The following TRA2B variants were observed in gnomAD, a reference collection of about 807,000 sequenced individuals.
TRA2B encodes transformer-2 protein homolog beta.
In TRA2B, 14 loss-of-function variants were observed where a neutral mutation model predicts 41.7. The ratio of observed to expected loss-of-function variants is 0.34; its 90% CI spans 0.22 to 0.53. The LOEUF (loss-of-function observed/expected upper bound fraction) is 0.53. Ranked by LOEUF, TRA2B falls within the 20% of genes least tolerant of loss-of-function variation. The probability of loss-of-function intolerance (pLI) is 0.95; values close to 1 mark genes in which losing one functional copy is unlikely to be tolerated. For synonymous variants in TRA2B, 130 were observed against 128.8 expected (o/e 1.01, Z -0.06); for missense variants, 167 against 396.8 (o/e 0.42, Z 4.92).
At chr3:185,926,204 A>G (rs539322744) in intron 2 of TRA2B, among the ~76,000 whole-genome samples, 3 of 151,420 alleles carry the variant, frequency 2.0e-5, no homozygotes, top group African/African-American at 7.3e-5. Context: ...AAAAAAAAAA[A>G]AGCGCACCAT....
chr3:185,919,327 C>G, intron 7 of TRA2B, 110 bp downstream of exon 7: 2 of 749,178 alleles, frequency 2.7e-6, no homozygotes, highest in South Asian at 2.4e-5. Flanking sequence ...GAGCTTCAAA[C>G]AGTCTGATTT....
chr3:185,930,971 A>G (rs1457159689), intron 1 of TRA2B, among the ~76,000 whole-genome samples: 1 of 152,216 alleles, frequency 6.6e-6, no homozygotes, highest in Non-Finnish European at 1.5e-5. Flanking sequence ...AAACAGAAAC[A>G]GAATTTGAAA....
intron 1 of TRA2B, chr3:185,935,835 T>C (rs868489855): frequency 1.8e-5 from 18 of 985,244 alleles, no homozygotes; most frequent in South Asian, 9.4e-5. Flanking sequence ...CACAACAATA[T>C]GGAAGTATTT....
chr3:185,929,181 A>G (rs1744059992), intron 1 of TRA2B: 1 of 152,174 alleles, frequency 6.6e-6, no homozygotes, highest in African/African-American at 2.4e-5. Context: ...TATCAGGGAT[A>G]TTTTCTTAAA....
At chr3:185,921,799 C>G (rs1378109324) in intron 5 of TRA2B, among the ~76,000 whole-genome samples, 4 of 152,016 alleles carry the variant, frequency 2.6e-5, no homozygotes, top group Admixed American at 6.6e-5. Context: ...CAACAACAAA[C>G]AAAAAATTTA....
rs781778452 is a variant in TRA2B, at chr3:185,917,704, G to C, written c.*11C>G. On this transcript the variant is annotated 3_prime_UTR_variant, in exon 9 of 9. Coordinates refer to ENST00000453386, the MANE Select transcript of TRA2B (RefSeq NM_004593.3). The stretch of plus-strand genomic sequence containing the variant: ...CCAGCTCTAGGGCAGGTTTCAGAAA[G>C]TCTTCATGCTTTAATAGCGACCTGG... 1 of 1,613,178 alleles carries C rather than the reference G, an allele frequency of 6.2e-7. No individual in the cohort carries two copies. Among genetic ancestry groups the C allele is most frequent in the Admixed American group, 1.7e-5 (1 of 59,892 alleles).
intron 1 of TRA2B, chr3:185,935,911 A>T: frequency 1.0e-6 from 1 of 985,438 alleles, no homozygotes; most frequent in Non-Finnish European, 1.2e-6. Flanking sequence ...AAAAAACTCA[A>T]TTTTTAACAC....
intron 8 of TRA2B, 110 bp downstream of exon 8, chr3:185,918,255 A>G (rs1271385846): frequency 1.8e-5 from 13 of 737,000 alleles, no homozygotes; most frequent in Non-Finnish European, 2.4e-5. Context: ...GTGGAGAATC[A>G]TTAGGTATGA....
intron 8 of TRA2B, among the ~76,000 whole-genome samples, chr3:185,918,012 T>C (rs1743568532): frequency 6.6e-6 from 1 of 152,192 alleles, no homozygotes; most frequent in Non-Finnish European, 1.5e-5. Context: ...CTTGAAAAGC[T>C]ACTAAATGGT....
rs2150109810 is a variant in TRA2B at position 185,915,559 on chromosome 3, GTCTA to G, written c.*2152_*2155del. On this transcript the variant is annotated 3_prime_UTR_variant, in exon 9 of 9. Transcript: ENST00000453386. ...TACCACTTTGTCTCACTACTTCTCAGTCTATCTCAACTTGGTAAAATTCCAAATT... is the reference window on the plus strand; with the variant it reads ...TACCACTTTGTCTCACTACTTCTCAGTCTCAACTTGGTAAAATTCCAAATT... 6.6e-6 allele frequency among the ~76,000 whole-genome samples: 1 copy of G among 152,242 alleles called. No individual in the cohort carries two copies. Among genetic ancestry groups the G allele is most frequent in the South Asian group, 2.1e-4 (1 of 4,824 alleles).
chr3:185,935,518 G>A lies in TRA2B; in HGVS notation c.36+2307C>T, dbSNP rs1487404619. On this transcript the variant is annotated intron_variant, in intron 1 of 8. Coordinates refer to ENST00000453386, the MANE Select transcript of TRA2B (RefSeq NM_004593.3). ...CAACAACAAACTCCTACAGTCACTG[G>A]AAAAGGTGGGGCACAGAGGGGTGGG... 4 of 985,298 alleles carry A rather than the reference G, an allele frequency of 4.1e-6. No individual in the cohort carries two copies. In the African/African-American group the frequency reaches 5.2e-5, roughly 13 times the overall value. 61.0% of individuals were successfully genotyped at this position (985,298 alleles called of 1,614,324 possible).
At chr3:185,934,794 GT>G (rs1744285011) in intron 1 of TRA2B, 6 of 985,430 alleles carry the variant, frequency 6.1e-6, no homozygotes, top group Non-Finnish European at 7.2e-6. Context: ...AGTTTGATGG[GT>G]TGGTGTCCAG....
intron 2 of TRA2B, among the ~76,000 whole-genome samples, chr3:185,926,307 AAATCCTCACAAC>A (rs982371661): frequency 3.3e-5 from 5 of 151,514 alleles, no homozygotes; most frequent in African/African-American, 1.2e-4. Flanking sequence ...TACATTTAGT[AAATCCTCACAAC>A]AACCCTGAAG....
chr3:185,937,280 T>A, intron 1 of TRA2B: 2 of 986,526 alleles, frequency 2.0e-6, no homozygotes, highest in South Asian at 9.2e-5. Context: ...GTCCTTTCCG[T>A]GGAGGCAAAG....
chr3:185,921,886 G>A, intron 5 of TRA2B, 125 bp downstream of exon 5: 2 of 604,078 alleles, frequency 3.3e-6, no homozygotes, highest in Non-Finnish European at 5.8e-6. Context: ...CTAATGAGGA[G>A]CATTTAATCA....
intron 8 of TRA2B, 101 bp downstream of exon 8, chr3:185,918,264 G>C (rs1225055106): frequency 5.9e-6 from 5 of 851,604 alleles, no homozygotes; most frequent in African/African-American, 1.7e-5. Context: ...CATTAGGTAT[G>C]AAACTACCTG....
chr3:185,919,545 A>C (rs1743634602), intron 6 of TRA2B, 49 bp from the exon 7 acceptor site: 1 of 1,494,492 alleles, frequency 6.7e-7, no homozygotes, highest in South Asian at 1.2e-5. Context: ...TGTAAGTTTT[A>C]AAAAATTATG....
intron 4 of TRA2B, chr3:185,923,353 A>C (rs1743813684): frequency 6.5e-6 from 1 of 152,806 alleles, no homozygotes; most frequent in Non-Finnish European, 1.5e-5. Context: ...ATGTACCTAA[A>C]ATCTGAATTT....
Position 185,915,069 on chromosome 3 carries a change from C to T in TRA2B, c.*2646G>A, listed in dbSNP as rs142992079. Among the ~76,000 whole-genome samples, 6 of 152,250 alleles carry T rather than the reference C, an allele frequency of 3.9e-5. No homozygotes were observed. Among genetic ancestry groups the T allele is most frequent in the African/African-American group, 1.4e-4 (6 of 41,546 alleles). On this transcript the variant is annotated 3_prime_UTR_variant, in exon 9 of 9. Transcript: ENST00000453386. ...GTGCAAGCTAGATCCCTCTCAAGCG[C>T]ACTTCACAATAGGATTCCTGCTATG...
Sources: allele counts gnomAD v4.1 joint callset (sites outside exome capture counted in the v4.1 genomes callset), GRCh38; gene constraint gnomAD v4.1.1; transcripts MANE v1.5; gene names NCBI Gene and HGNC (gene_info 2026-07-23, HGNC 2026-07-21).